Variants in NPAS2 observed in about 807,000 individuals in gnomAD.
NPAS2 encodes the protein neuronal PAS domain protein 2, also known as neuronal PAS domain-containing protein 2.
A neutral mutation model predicts 107.5 loss-of-function variants in NPAS2; 23 were observed. The observed-to-expected ratio is 0.21, with a 90% confidence interval of 0.15 to 0.30. The LOEUF (loss-of-function observed/expected upper bound fraction) is 0.30, where lower values mean the gene tolerates loss of function less well. NPAS2 is among the 10% of genes least tolerant of loss of function. The probability of loss-of-function intolerance (pLI) is 1.00; values close to 1 mark genes in which losing one functional copy is unlikely to be tolerated. For synonymous variants in NPAS2, 403 were observed against 417.5 expected, an observed-to-expected ratio of 0.97 and a Z score of 0.42; for missense variants, 756 against 1,043.3, an observed-to-expected ratio of 0.72 and a Z score of 3.79.
intron 7 of NPAS2, among the ~76,000 whole-genome samples, chr2:100,950,282 A>G (rs1034624448): frequency 6.6e-6 from 1 of 152,220 alleles, no homozygotes; most frequent in Non-Finnish European, 1.5e-5. Context: ...AGCAGCAAAG[A>G]TGGAAAAAAA....
At chr2:100,920,922 C>T (rs1278919462) in intron 2 of NPAS2, among the ~76,000 whole-genome samples, 12 of 152,350 alleles carry the variant, frequency 7.9e-5, no homozygotes, top group African/African-American at 2.9e-4. Flanking sequence ...GGAGCTGAAG[C>T]GAAGGTCGCA....
At chr2:100,934,888 G>C (rs1226017406) in intron 4 of NPAS2, 1 of 985,230 alleles carries the variant, frequency 1.0e-6, no homozygotes, top group Middle Eastern at 5.2e-4. Flanking sequence ...GAAGAATCCA[G>C]GTGCCATGTC....
chr2:100,958,372 G>A (rs1448028116), intron 7 of NPAS2, among the ~76,000 whole-genome samples: 6 of 152,192 alleles, frequency 3.9e-5, no homozygotes, highest in Non-Finnish European at 8.8e-5. Context: ...CTCAGTAAAA[G>A]GGAACAAAGC....
At chr2:100,878,321 A>G in intron 1 of NPAS2, 1 of 985,460 alleles carries the variant, frequency 1.0e-6, no homozygotes, top group Non-Finnish European at 1.2e-6. Flanking sequence ...TGCCTAAGCA[A>G]GGGCTCTGCA....
chr2:100,867,583 T>A (rs1422832157), intron 1 of NPAS2, among the ~76,000 whole-genome samples: 1 of 152,232 alleles, frequency 6.6e-6, no homozygotes, highest in Non-Finnish European at 1.5e-5. Context: ...GTTTTTAGAT[T>A]TCAGATGTGT....
At chr2:100,844,889 A>T (rs1387494315) in intron 1 of NPAS2, among the ~76,000 whole-genome samples, 3 of 152,158 alleles carry the variant, frequency 2.0e-5, no homozygotes, top group Non-Finnish European at 4.4e-5. Flanking sequence ...GGGATGAGAG[A>T]CATTGTACTG....
Position 100,955,369 on chromosome 2 carries a change from C to A in NPAS2, c.598+5889C>A, listed in dbSNP as rs77637575. Among the ~76,000 whole-genome samples, 1,305 of 152,244 alleles carry A rather than the reference C, an allele frequency of 8.6e-3. 21 individuals are homozygous for A. The highest frequency in any genetic ancestry group is 0.03 in the African/African-American group (1,252 of 41,538). On this transcript the variant is annotated intron_variant, in intron 7 of 20. Coordinates refer to ENST00000335681, the MANE Select transcript of NPAS2 (RefSeq NM_002518.4). Reference sequence around the variant, plus strand: ...TCCTGGGCCTAGCATGGTCCTTACCCAGCACATAAATAAGCAGCGGATAAA... The same window carrying A: ...TCCTGGGCCTAGCATGGTCCTTACCAAGCACATAAATAAGCAGCGGATAAA...
At chr2:100,973,923 CCT>C (rs1299207230) in intron 12 of NPAS2, among the ~76,000 whole-genome samples, 1 of 152,226 alleles carries the variant, frequency 6.6e-6, no homozygotes, top group Non-Finnish European at 1.5e-5. Context: ...CTCACTGCAA[CCT>C]CTGCCTCCGA....
chr2:100,984,774 G>A (rs1305626064), intron 16 of NPAS2: 3 of 152,088 alleles, frequency 2.0e-5, no homozygotes, highest in Non-Finnish European at 2.9e-5. Context: ...CCCCCACCCA[G>A]TGGCCTTTAT....
At position 100,965,033 on chromosome 2, in the gene NPAS2, CT is replaced by C. The variant is rs60563199; in HGVS notation, c.800+91del. On this transcript the variant is annotated intron_variant, in intron 9 of 20. Coordinates refer to ENST00000335681, the MANE Select transcript of NPAS2 (RefSeq NM_002518.4). The surrounding 1 kb of genome is among the most constrained non-coding windows in gnomAD (Gnocchi z 4.3). ...TCTCCTTGGGAGAGAAGAGTCGGCC[CT>C]GGTCCATTGAAAGAGGAGGACTCTC... The C allele has an allele frequency of 0.1, 85,962 of 839,178 alleles. 7,863 individuals are homozygous for C. The highest frequency in any genetic ancestry group is 0.41 in the East Asian group (14,565 of 35,156). 52.0% of individuals were successfully genotyped at this position (839,178 alleles called of 1,614,324 possible).
intron 5 of NPAS2, 39 bp from the exon 6 acceptor site, chr2:100,948,196 C>T (rs547384478): frequency 1.0e-5 from 16 of 1,599,332 alleles, no homozygotes; most frequent in South Asian, 5.8e-5. Context: ...TTTTCATCTT[C>T]GTTGAGGGTG....
intron 1 of NPAS2, among the ~76,000 whole-genome samples, chr2:100,822,231 T>C (rs1418165138): frequency 6.6e-6 from 1 of 152,068 alleles, no homozygotes; most frequent in Non-Finnish European, 1.5e-5. Flanking sequence ...CCCCAAAGAG[T>C]TAACCACGCC....
intron 14 of NPAS2, among the ~76,000 whole-genome samples, chr2:100,977,338 C>G (rs983607535): frequency 6.6e-6 from 1 of 152,222 alleles, no homozygotes. Context: ...GCACGTCGTC[C>G]TGCTTGATGA....
chr2:100,889,061 A>G (rs1042824594), intron 1 of NPAS2, among the ~76,000 whole-genome samples: 1 of 152,222 alleles, frequency 6.6e-6, no homozygotes, highest in Admixed American at 6.5e-5. Context: ...AATATACAAC[A>G]TGAATATCTG....
Position 100,938,308 on chromosome 2 carries a change from AAGG to A in NPAS2, c.363+467_363+469del, listed in dbSNP as rs1278597270. Among the ~76,000 whole-genome samples the A allele has an allele frequency of 7.2e-4, 109 of 152,234 alleles. 2 individuals are homozygous for A. The East Asian group carries it at 0.02, about 28-fold the overall frequency. ...GTGGGTAGCAACACTTAGTGGTGGT[AAGG>A]GTTTGGCAGCAGGGCCGGTTCCTGG... On this transcript the variant is annotated intron_variant, in intron 5 of 20. Coordinates refer to ENST00000335681, the MANE Select transcript of NPAS2 (RefSeq NM_002518.4).
At chr2:100,933,458 A>G (rs1209025888) in intron 4 of NPAS2, among the ~76,000 whole-genome samples, 1 of 152,164 alleles carries the variant, frequency 6.6e-6, no homozygotes, top group East Asian at 1.9e-4. Context: ...TTTGAACTTG[A>G]ACTCATGTTA....
intron 1 of NPAS2, among the ~76,000 whole-genome samples, chr2:100,879,139 T>G (rs1680173109): frequency 6.6e-6 from 1 of 151,684 alleles, no homozygotes; most frequent in Non-Finnish European, 1.5e-5. Flanking sequence ...AAAAAAAGCC[T>G]TCTAAATATT....
Position 100,965,075 on chromosome 2 carries a change from TCGTCC to T in NPAS2, c.800+134_800+138del. The T allele has an allele frequency of 3.4e-6, 2 of 584,654 alleles. No homozygotes were observed. Among genetic ancestry groups the T allele is most frequent in the South Asian group, 4.9e-5 (2 of 41,114 alleles). 36.2% of individuals were successfully genotyped at this position (584,654 alleles called of 1,614,324 possible). A position where few individuals can be genotyped will look rare whatever the true frequency, so the allele number is the denominator to read the frequency against. On this transcript the variant is annotated intron_variant, in intron 9 of 20. Coordinates refer to ENST00000335681, the MANE Select transcript of NPAS2 (RefSeq NM_002518.4). This position sits in a 1 kb window ranked among gnomAD's most constrained non-coding sequence, Gnocchi z 4.3. The stretch of plus-strand genomic sequence containing the variant: ...GAGGACTCTCTGGCACTAGGAAAAG[TCGTCC>T]CTGCCAAGGGTGGGTGGTTTCCCTC...
intron 18 of NPAS2, 92 bp from the exon 19 acceptor site, chr2:100,990,688 G>A: frequency 1.6e-6 from 2 of 1,239,110 alleles, no homozygotes; most frequent in Admixed American, 1.7e-5. Context: ...CAACCATAAA[G>A]GGTCCAGCCA....
Sources: gnomAD v4.1 joint callset for allele counts (sites outside exome capture counted in the v4.1 genomes callset) on GRCh38, gnomAD v4.1.1 for gene constraint, Gnocchi (gnomAD v3.1) non-coding constraint, MANE v1.5 for transcripts, NCBI Gene and HGNC (gene_info 2026-07-23, HGNC 2026-07-21) for gene names.